Variants in PCDHA5 observed in about 807,000 individuals in gnomAD.
PCDHA5 encodes the protein protocadherin alpha 5, also known as protocadherin alpha-5.
A neutral mutation model predicts 61.6 loss-of-function variants in PCDHA5; 43 were observed. The observed-to-expected ratio is 0.70, with a 90% CI of 0.55 to 0.90. The LOEUF is 0.90. Ranked by LOEUF, PCDHA5 falls within the 40% of genes least tolerant of loss-of-function variation. The pLI, the probability that PCDHA5 is intolerant of heterozygous loss-of-function variation, is 0.00. For synonymous variants in PCDHA5, 627 were observed against 543.9 expected (o/e 1.15, Z -2.13); for missense variants, 1,298 against 1,222.7 (o/e 1.06, Z -0.92).
chr5:140,857,895 G>A lies in PCDHA5; in HGVS notation c.2352+33768G>A, dbSNP rs373881159. Reference sequence around the variant, plus strand: ...TATGAATTGCAGTCGGCGGCGGTTGGTGCACGCATCCCGTTTCGCGTGGGG... The same window carrying A: ...TATGAATTGCAGTCGGCGGCGGTTGATGCACGCATCCCGTTTCGCGTGGGG... On this transcript the variant is annotated intron_variant, in intron 1 of 3. Transcript: ENST00000529859. The A allele has an allele frequency of 3.9e-5, 62 of 1,597,752 alleles. 5 individuals carry two copies. Among genetic ancestry groups the A allele is most frequent in the Non-Finnish European group, 5.1e-5 (59 of 1,167,572 alleles).
chr5:140,843,314 GT>G lies in PCDHA5; in HGVS notation c.2352+19189del, dbSNP rs2150357252. 6.3e-6 allele frequency: 10 copies of G among 1,596,084 alleles called. 1 individual carries two copies. The highest frequency in any genetic ancestry group is 8.6e-6 in the Non-Finnish European group (10 of 1,165,598). ...ACCTGCGCTGACCGCCACGGCCACGGTTCTGGTGTCGCTGGTGGAGAGCGGC... is the reference window on the plus strand; with the variant it reads ...ACCTGCGCTGACCGCCACGGCCACGGTCTGGTGTCGCTGGTGGAGAGCGGC... On this transcript the variant is annotated intron_variant, in intron 1 of 3. Transcript: ENST00000529859.
chr5:140,862,513 A>G, intron 1 of PCDHA5: 1 of 408,216 alleles, frequency 2.4e-6, no homozygotes, highest in Non-Finnish European at 4.9e-6. Context: ...ACTCGCTTTC[A>G]TTGTTGGCCA....
At chr5:140,843,522 CG>C (rs1554140172) in intron 1 of PCDHA5, 1 of 1,595,680 alleles carries the variant, frequency 6.3e-7, no homozygotes, top group Non-Finnish European at 8.6e-7. Flanking sequence ...GGGTGCCGGG[CG>C]GGCAAGCCCA....
intron 1 of PCDHA5, chr5:140,836,400 G>C (rs2150259839): frequency 6.2e-7 from 1 of 1,613,760 alleles, no homozygotes; most frequent in African/African-American, 1.3e-5. Context: ...GGTGGAAAGC[G>C]GCCAGGCACC....
chr5:140,971,529 T>G (rs782358590), intron 1 of PCDHA5, among the ~76,000 whole-genome samples: 1 of 152,176 alleles, frequency 6.6e-6, no homozygotes, highest in East Asian at 1.9e-4. Flanking sequence ...GTTCTGAAAG[T>G]CATCATTGCC....
intron 3 of PCDHA5, among the ~76,000 whole-genome samples, chr5:140,997,002 G>T (rs534893055): frequency 1.3e-5 from 2 of 152,118 alleles, no homozygotes; most frequent in East Asian, 1.9e-4. Context: ...TAACAATTTT[G>T]TGTGTATCCT....
At chr5:140,959,443 G>C (rs1472511414) in intron 1 of PCDHA5, among the ~76,000 whole-genome samples, 1 of 151,580 alleles carries the variant, frequency 6.6e-6, no homozygotes, top group Non-Finnish European at 1.5e-5. Context: ...TTTCTATTTT[G>C]TGCTGAAAAG....
chr5:140,904,747 A>T (rs1462923024), intron 1 of PCDHA5, among the ~76,000 whole-genome samples: 1 of 151,918 alleles, frequency 6.6e-6, no homozygotes, highest in Non-Finnish European at 1.5e-5. Context: ...TATTATGACC[A>T]TTTTTGCAAG....
At chr5:140,906,813 A>G (rs1287106484) in intron 1 of PCDHA5, among the ~76,000 whole-genome samples, 4 of 152,042 alleles carry the variant, frequency 2.6e-5, no homozygotes, top group African/African-American at 4.8e-5. Flanking sequence ...CCTTACCTCC[A>G]CTGTGGAGTA....
chr5:140,887,335 A>G (rs1360547523), intron 1 of PCDHA5, among the ~76,000 whole-genome samples: 1 of 152,102 alleles, frequency 6.6e-6, no homozygotes, highest in African/African-American at 2.4e-5. Flanking sequence ...TGACCTCGTG[A>G]TCCACCTGGC....
At chr5:141,009,459 A>T in intron 3 of PCDHA5, 168 bp from the exon 4 acceptor site, 3 of 950,878 alleles carry the variant, frequency 3.2e-6, no homozygotes, top group Non-Finnish European at 3.8e-6. Context: ...AATTAAACAA[A>T]TAAATAAATA....
chr5:140,842,929 C>T lies in PCDHA5; in HGVS notation c.2352+18802C>T, dbSNP rs2150347942. On this transcript the variant is annotated intron_variant, in intron 1 of 3. Coordinates refer to ENST00000529859, the MANE Select transcript of PCDHA5 (RefSeq NM_018908.3). ...TAGAGCTGCTGCAGTTCCAGGTGAG[C>T]GCGCGCGACGCGGGCGTGCCGCCTC... 1.0e-5 allele frequency: 16 copies of T among 1,594,270 alleles called. 1 individual carries two copies. Among genetic ancestry groups the T allele is most frequent in the African/African-American group, 8.1e-5 (6 of 74,356 alleles).
intron 1 of PCDHA5, chr5:140,860,073 G>A (rs1441059020): frequency 4.0e-5 from 6 of 151,782 alleles, no homozygotes; most frequent in African/African-American, 1.5e-4. Flanking sequence ...AGGATGGTTT[G>A]AGGCCAGGAG....
Position 140,823,494 on chromosome 5 carries a change from CG to C in PCDHA5, c.1721del (p.Gly574AlafsTer3), listed in dbSNP as rs1374897060. ...TGGTGCCTCGAGTGGGTGGCACCGG[CG>C]GCGCAGTGAGCGAGCTGGTGCCGAG... ...LLVPRVGGTG[G>X]AVSELVPRSV... On this transcript the variant is annotated frameshift_variant, in exon 1 of 4. Coordinates refer to ENST00000529859, the MANE Select transcript of PCDHA5 (RefSeq NM_018908.3). LOFTEE classifies it high-confidence loss of function. 1 of 1,613,266 alleles carries C rather than the reference CG, an allele frequency of 6.2e-7. No individual in the cohort carries two copies. Among genetic ancestry groups the C allele is most frequent in the African/African-American group, 1.3e-5 (1 of 75,036 alleles).
At chr5:140,967,626 G>T in intron 1 of PCDHA5, 2 of 1,614,138 alleles carry the variant, frequency 1.2e-6, no homozygotes, top group Non-Finnish European at 1.7e-6. Flanking sequence ...CCGGATGAGG[G>T]CTCCAATGGT....
At position 140,915,626 on chromosome 5, in the gene PCDHA5, G is replaced by GTCTCTCTCTC. The variant is rs57920489; in HGVS notation, c.2353-63302_2353-63293dup. 2.5e-3 allele frequency among the ~76,000 whole-genome samples: 366 copies of GTCTCTCTCTC among 146,512 alleles called. 2 individuals carry two copies. Among genetic ancestry groups the GTCTCTCTCTC allele is most frequent in the South Asian group, 3.6e-3 (16 of 4,500 alleles). ...ACTTTCTGTCAAACAGTCTCTTTCT[G>GTCTCTCTCTC]TCTCTCTCTCTCTCTCTCTCTCTCT... On this transcript the variant is annotated intron_variant, in intron 1 of 3. Coordinates refer to ENST00000529859, the MANE Select transcript of PCDHA5 (RefSeq NM_018908.3).
chr5:140,955,297 T>C (rs2153705828), intron 1 of PCDHA5, among the ~76,000 whole-genome samples: 1 of 152,262 alleles, frequency 6.6e-6, no homozygotes, highest in East Asian at 1.9e-4. Context: ...TTTGGCTGTG[T>C]CCCCACCCAA....
intron 1 of PCDHA5, chr5:140,968,473 G>T (rs1389339011): frequency 6.2e-7 from 1 of 1,613,980 alleles, no homozygotes; most frequent in African/African-American, 1.3e-5. Context: ...ACGTATATGT[G>T]GTGGACATGA....
chr5:140,861,496 T>C (rs2153222110), intron 1 of PCDHA5: 1 of 486,240 alleles, frequency 2.1e-6, no homozygotes, highest in Non-Finnish European at 4.2e-6. Context: ...AGTTCTCTGA[T>C]AGACCTCGAG....
Sources: gnomAD v4.1 joint callset for allele counts (sites outside exome capture counted in the v4.1 genomes callset) on GRCh38, gnomAD v4.1.1 for gene constraint, MANE v1.5 for transcripts, NCBI Gene and HGNC (gene_info 2026-07-23, HGNC 2026-07-21) for gene names.